Variants in HECW1 observed in about 807,000 individuals in gnomAD.
HECW1 encodes E3 ubiquitin-protein ligase HECW1.
HECW1 carries 61 observed loss-of-function variants against 182.3 expected under a neutral mutation model. The ratio of observed to expected loss-of-function variants is 0.33; its 90% CI spans 0.27 to 0.41. The LOEUF is 0.41. HECW1 is among the 10% of genes least tolerant of loss of function. The pLI is 1.00. For synonymous variants in HECW1, 859 were observed against 832.6 expected (o/e 1.03, Z -0.55); for missense variants, 1,739 against 2,108.9 (o/e 0.82, Z 3.44).
intron 2 of HECW1, among the ~76,000 whole-genome samples, chr7:43,191,400 CT>C (rs1216826172): frequency 2.0e-5 from 3 of 152,224 alleles, no homozygotes; most frequent in African/African-American, 7.2e-5. Context: ...AATTACACTT[CT>C]TGGACAAAAC....
At chr7:43,552,030 T>C (rs1461993531) in intron 27 of HECW1, among the ~76,000 whole-genome samples, 192 bp from the exon 28 acceptor site, 1 of 152,084 alleles carries the variant, frequency 6.6e-6, no homozygotes, top group African/African-American at 2.4e-5. Flanking sequence ...TTTCAACATA[T>C]GAATTTGGGG....
intron 4 of HECW1, among the ~76,000 whole-genome samples, chr7:43,316,522 T>C (rs371976019): frequency 6.6e-6 from 1 of 152,182 alleles, no homozygotes; most frequent in Non-Finnish European, 1.5e-5. Context: ...TAGGTACTTA[T>C]AGTATTTATC....
intron 2 of HECW1, among the ~76,000 whole-genome samples, chr7:43,151,566 A>T (rs1789328415): frequency 6.6e-6 from 1 of 152,224 alleles, no homozygotes; most frequent in Non-Finnish European, 1.5e-5. Context: ...GTGCCAAAAA[A>T]GTAGGCTGCT....
chr7:43,122,176 T>C (rs1381172762), intron 2 of HECW1, among the ~76,000 whole-genome samples: 1 of 152,228 alleles, frequency 6.6e-6, no homozygotes, highest in African/African-American at 2.4e-5. Flanking sequence ...ACCCTTGTTC[T>C]ATAAATGAGC....
At chr7:43,299,666 G>C (rs1806485257) in intron 3 of HECW1, among the ~76,000 whole-genome samples, 2 of 152,222 alleles carry the variant, frequency 1.3e-5, no homozygotes, top group African/African-American at 2.4e-5. Flanking sequence ...AATTTCAGCA[G>C]TAAGTGTCGC....
At chr7:43,525,583 G>A (rs1184997595) in intron 24 of HECW1, among the ~76,000 whole-genome samples, 1 of 152,176 alleles carries the variant, frequency 6.6e-6, no homozygotes, top group Non-Finnish European at 1.5e-5. Context: ...GCTGAAAAAA[G>A]TACTGCAAAT....
chr7:43,237,946 T>G (rs1798538641), intron 2 of HECW1, among the ~76,000 whole-genome samples: 2 of 152,030 alleles, frequency 1.3e-5, no homozygotes, highest in Non-Finnish European at 1.5e-5. Context: ...GAGAGGGCCC[T>G]TGGTTGCTCA....
chr7:43,283,021 G>A (rs1008245771), intron 3 of HECW1, among the ~76,000 whole-genome samples: 1 of 152,026 alleles, frequency 6.6e-6, no homozygotes, highest in Non-Finnish European at 1.5e-5. Flanking sequence ...GGGAGGCTGA[G>A]GCAGGAGAAT....
At chr7:43,237,372 C>T (rs906820995) in intron 2 of HECW1, among the ~76,000 whole-genome samples, 10 of 152,192 alleles carry the variant, frequency 6.6e-5, no homozygotes, top group Non-Finnish European at 1.0e-4. Flanking sequence ...GTGTGTTCAG[C>T]TCATCTGTTC....
chr7:43,479,387 G>A (rs1366687036), intron 16 of HECW1, among the ~76,000 whole-genome samples: 1 of 152,152 alleles, frequency 6.6e-6, no homozygotes, highest in Non-Finnish European at 1.5e-5. Context: ...AGCTCAAGTG[G>A]TAATGCTCAC....
chr7:43,131,723 A>G (rs969339478), intron 2 of HECW1, among the ~76,000 whole-genome samples: 8 of 152,090 alleles, frequency 5.3e-5, no homozygotes, highest in Non-Finnish European at 8.8e-5. Context: ...TATGATTTAA[A>G]CCCTTTTAGT....
At chr7:43,447,333 CA>C (rs1281840227) in intron 11 of HECW1, among the ~76,000 whole-genome samples, 1 of 152,008 alleles carries the variant, frequency 6.6e-6, no homozygotes, top group Admixed American at 6.5e-5. Flanking sequence ...GTTTTACAAA[CA>C]AAAAAGTCAC....
chr7:43,474,310 A>G (rs12535883), intron 16 of HECW1, among the ~76,000 whole-genome samples: 17,420 of 152,064 alleles, frequency 0.11, 1,175 homozygotes, highest in Middle Eastern at 0.22. Flanking sequence ...TTAGCTGGGC[A>G]TGGTGGCGGG....
intron 13 of HECW1, among the ~76,000 whole-genome samples, chr7:43,458,516 G>A (rs2077476586): frequency 1.3e-5 from 2 of 152,162 alleles, no homozygotes; most frequent in Non-Finnish European, 2.9e-5. Flanking sequence ...GCTGGACCTT[G>A]CTGAATAGGA....
chr7:43,144,597 TG>T (rs1351318647), intron 2 of HECW1, among the ~76,000 whole-genome samples: 3 of 152,206 alleles, frequency 2.0e-5, no homozygotes, highest in Non-Finnish European at 4.4e-5. Flanking sequence ...ATTATTTTGT[TG>T]TTGAACTTGT....
At chr7:43,124,807 A>G (rs1165207685) in intron 2 of HECW1, among the ~76,000 whole-genome samples, 1 of 152,224 alleles carries the variant, frequency 6.6e-6, no homozygotes, top group East Asian at 1.9e-4. Context: ...TGTGTTTTTA[A>G]GATAAATTTT....
At chr7:43,445,851 A>C (rs2077038551) in intron 11 of HECW1, among the ~76,000 whole-genome samples, 1 of 152,216 alleles carries the variant, frequency 6.6e-6, no homozygotes. Context: ...TGTTTTAACT[A>C]ATCACCAGAA....
intron 12 of HECW1, among the ~76,000 whole-genome samples, chr7:43,451,306 A>G (rs548045571): frequency 6.6e-6 from 1 of 152,340 alleles, no homozygotes; most frequent in African/African-American, 2.4e-5. Context: ...ATTGTTCTCC[A>G]TTGGATCTGT....
intron 2 of HECW1, among the ~76,000 whole-genome samples, chr7:43,128,032 C>G (rs1256761148): frequency 6.6e-6 from 1 of 152,014 alleles, no homozygotes; most frequent in East Asian, 1.9e-4. Context: ...GTGCGCACCA[C>G]CACATTGGGC....
Sources: gnomAD v4.1 joint callset for allele counts (sites outside exome capture counted in the v4.1 genomes callset) on GRCh38, gnomAD v4.1.1 for gene constraint, MANE v1.5 for transcripts, NCBI Gene and HGNC (gene_info 2026-07-23, HGNC 2026-07-21) for gene names.